Variants in MROH9 observed in about 807,000 individuals in gnomAD.
MROH9 encodes maestro heat-like repeat-containing protein family member 9.
MROH9 carries 92 observed loss-of-function variants against 98.2 expected under a neutral mutation model. The observed-to-expected ratio is 0.94, with a 90% CI of 0.79 to 1.11. MROH9 has a LOEUF of 1.11. Ranked by LOEUF, MROH9 falls within the 50% of genes most tolerant of loss-of-function variation. MROH9 has a pLI of 0.00. For synonymous variants in MROH9, 397 were observed against 368.9 expected, an observed-to-expected ratio of 1.08 and a Z score of -0.87; for missense variants, 1,057 against 1,014.8, an observed-to-expected ratio of 1.04 and a Z score of -0.57.
At chr1:170,946,840 C>T (rs963695947) in intron 2 of MROH9, among the ~76,000 whole-genome samples, 27 of 151,900 alleles carry the variant, frequency 1.8e-4, no homozygotes, top group Non-Finnish European at 1.5e-5. Context: ...ACTGATAACT[C>T]CATTTCTAAT....
rs1473454820 is a variant in MROH9, at chr1:171,064,646, G to T, written c.*306G>T. On this transcript the variant is annotated 3_prime_UTR_variant, in exon 22 of 22. Transcript: ENST00000367759. ...GTTTGATGAGAAGCTCTGGGAACTT[G>T]ATTCAGTCCGGAAGCTCTACTGAGC... is the stretch of plus-strand genomic sequence containing the variant. 2 of 238,632 alleles carry T rather than the reference G, an allele frequency of 8.4e-6. No homozygotes were observed. The highest frequency in any genetic ancestry group is 1.6e-5 in the Non-Finnish European group (2 of 125,108). 14.8% of individuals were successfully genotyped at this position (238,632 alleles called of 1,614,324 possible).
chr1:171,050,042 T>C (rs946160370), intron 20 of MROH9, among the ~76,000 whole-genome samples: 2 of 152,200 alleles, frequency 1.3e-5, no homozygotes, highest in Admixed American at 1.3e-4. Flanking sequence ...TAATTCTTTG[T>C]CAAATGCATA....
At chr1:171,061,164 A>G (rs1282148368) in intron 20 of MROH9, among the ~76,000 whole-genome samples, 1 of 152,194 alleles carries the variant, frequency 6.6e-6, no homozygotes, top group East Asian at 1.9e-4. Context: ...TAAAATTACA[A>G]TGTGATATTA....
At chr1:170,962,915 C>T (rs933144491) in intron 6 of MROH9, among the ~76,000 whole-genome samples, 7 of 151,848 alleles carry the variant, frequency 4.6e-5, no homozygotes, top group African/African-American at 1.7e-4. Flanking sequence ...GACATAGGAA[C>T]AGGCAAAAAT....
At chr1:170,961,671 CTTT>C in intron 5 of MROH9, among the ~76,000 whole-genome samples, 1 of 151,938 alleles carries the variant, frequency 6.6e-6, no homozygotes, top group South Asian at 2.1e-4. Context: ...TTTCATTTGT[CTTT>C]TTCTTTGTAT....
rs1346296522 is a variant in MROH9 at position 170,965,271 on chromosome 1, T to A, written c.480+16T>A. The A allele has an allele frequency of 6.6e-7, 1 of 1,507,076 alleles. No homozygotes were observed. The highest frequency in any genetic ancestry group is 1.7e-5 in the Admixed American group (1 of 59,462). The allele number at this position is 1,507,076 out of a possible 1,614,324, so 93.4% of individuals were successfully genotyped here. A position where few individuals can be genotyped will look rare whatever the true frequency, so the allele number is the denominator to read the frequency against. ...CAGAAAATACGTAAGTCACAGAATATAACAATGCCACCTGATTCTGAAGAC... is the reference window on the plus strand; with the variant it reads ...CAGAAAATACGTAAGTCACAGAATAAAACAATGCCACCTGATTCTGAAGAC... On this transcript the variant is annotated intron_variant, in intron 7 of 21. Coordinates refer to ENST00000367759, the MANE Select transcript of MROH9 (RefSeq NM_001163629.2).
intron 15 of MROH9, among the ~76,000 whole-genome samples, chr1:171,004,733 G>A (rs185219992): frequency 6.6e-6 from 1 of 152,204 alleles, no homozygotes; most frequent in East Asian, 1.9e-4. Flanking sequence ...ATGCTGTTCT[G>A]TCTGGAGCTG....
At position 171,049,583 on chromosome 1, in the gene MROH9, C is replaced by G. The variant is rs143667444; in HGVS notation, c.2282-12549C>G. On this transcript the variant is annotated intron_variant, in intron 20 of 21. Coordinates refer to ENST00000367759, the MANE Select transcript of MROH9 (RefSeq NM_001163629.2). ...CTATTCCATCACCTTGCTCCACCCCCCATTTCTTCATTTTCCTTGGCCGCT... is the reference window on the plus strand; with the variant it reads ...CTATTCCATCACCTTGCTCCACCCCGCATTTCTTCATTTTCCTTGGCCGCT... Among the ~76,000 whole-genome samples the G allele has an allele frequency of 3.6e-3, 549 of 152,246 alleles. 5 individuals carry two copies. The highest frequency in any genetic ancestry group is 0.012 in the African/African-American group (505 of 41,552).
At chr1:171,028,084 G>A (rs1191778969) in intron 20 of MROH9, among the ~76,000 whole-genome samples, 1 of 152,166 alleles carries the variant, frequency 6.6e-6, no homozygotes. Context: ...TGCTTTTGGT[G>A]TTTTTGTCAT....
chr1:171,059,463 T>C (rs1653948464), intron 20 of MROH9, among the ~76,000 whole-genome samples: 1 of 152,290 alleles, frequency 6.6e-6, no homozygotes, highest in African/African-American at 2.4e-5. Context: ...AGTTCAACCA[T>C]TGTGGAAGAC....
intron 5 of MROH9, 107 bp downstream of exon 5, chr1:170,959,704 CTT>C (rs1649940727): frequency 1.0e-6 from 1 of 999,642 alleles, no homozygotes; most frequent in Non-Finnish European, 1.4e-6. Context: ...CCTCTTCACT[CTT>C]TTTAGTTATA....
At chr1:170,935,862 G>A (rs1237331013) in intron 1 of MROH9, among the ~76,000 whole-genome samples, 2 of 150,880 alleles carry the variant, frequency 1.3e-5, no homozygotes, top group African/African-American at 4.9e-5. Flanking sequence ...TGTGGTGGCG[G>A]GTGCCTGTAA....
At chr1:171,025,521 A>T (rs897328320) in intron 20 of MROH9, 101 bp downstream of exon 20, 5 of 731,812 alleles carry the variant, frequency 6.8e-6, no homozygotes, top group Non-Finnish European at 1.1e-5. Flanking sequence ...GTCTCTGTTT[A>T]TGAGGGACAG....
At chr1:170,989,570 C>T (rs1254196998) in intron 10 of MROH9, among the ~76,000 whole-genome samples, 1 of 152,164 alleles carries the variant, frequency 6.6e-6, no homozygotes, top group African/African-American at 2.4e-5. Flanking sequence ...CTATACCGAG[C>T]TTATATTTCT....
At chr1:170,958,091 G>A (rs9426915) in intron 3 of MROH9, among the ~76,000 whole-genome samples, 12,124 of 152,028 alleles carry the variant, frequency 0.08, 614 homozygotes, top group Non-Finnish European at 0.11. Context: ...TTACAGGCGT[G>A]AGCCACCACG....
rs1406668534 is a variant in MROH9 at position 171,045,067 on chromosome 1, T to A, written c.2282-17065T>A. Among the ~76,000 whole-genome samples, 4 of 132,998 alleles carry A rather than the reference T, an allele frequency of 3.0e-5. No homozygotes were observed. In the Admixed American group the frequency reaches 3.4e-4, roughly 11 times the overall value. 87.3% of individuals were successfully genotyped at this position (132,998 alleles called of 152,430 possible). ...CACAGGCTGGACTGCAGTGGTGCTA[T>A]CTGGGCTCACTGCAAGCTCCACCTC... is the stretch of plus-strand genomic sequence containing the variant. On this transcript the variant is annotated intron_variant, in intron 20 of 21. Transcript: ENST00000367759.
intron 15 of MROH9, among the ~76,000 whole-genome samples, chr1:171,001,545 G>A (rs752922474): frequency 4.6e-5 from 7 of 152,064 alleles, no homozygotes; most frequent in Non-Finnish European, 7.4e-5. Flanking sequence ...CAATGTATTT[G>A]TGTGGTTTTG....
intron 17 of MROH9, among the ~76,000 whole-genome samples, chr1:171,024,120 T>C (rs1652613167): frequency 6.6e-6 from 1 of 152,172 alleles, no homozygotes; most frequent in African/African-American, 2.4e-5. Flanking sequence ...AATTATTCCA[T>C]TGATGGACAC....
intron 20 of MROH9, among the ~76,000 whole-genome samples, chr1:171,038,558 TATTGC>T (rs1653185286): frequency 1.3e-5 from 2 of 152,218 alleles, no homozygotes; most frequent in East Asian, 3.8e-4. Flanking sequence ...CATAGATATT[TATTGC>T]ATCATTGTAC....
Sources: gnomAD v4.1 joint callset for allele counts (sites outside exome capture counted in the v4.1 genomes callset) on GRCh38, gnomAD v4.1.1 for gene constraint, MANE v1.5 for transcripts, NCBI Gene and HGNC (gene_info 2026-07-23, HGNC 2026-07-21) for gene names.